Variants in GPR39 observed in about 807,000 individuals in gnomAD.
The protein encoded by GPR39 is zinc sensing receptor.
In GPR39, 23 loss-of-function variants were observed where a neutral mutation model predicts 18.4. The observed-to-expected ratio is 1.25, with a 90% confidence interval of 0.90 to 1.77. GPR39 has a LOEUF of 1.77. Ranked by LOEUF, GPR39 falls within the 40% of genes most tolerant of loss-of-function variation. GPR39 has a pLI of 0.00. For missense variants in GPR39, 647 were observed against 602.4 expected (o/e 1.07, Z -0.78); for synonymous variants, 280 against 257.9 (o/e 1.09, Z -0.82).
rs773525542 is a variant in GPR39, at chr2:132,645,307, T to C, written c.1063T>C (p.Phe355Leu). 4 of 1,614,076 alleles carry C rather than the reference T, an allele frequency of 2.5e-6. No homozygotes were observed. In the African/African-American group the frequency reaches 5.3e-5, roughly 22 times the overall value. ...GTCCTCGCAGCAGTTTCGGCGGGTG[T>C]TCGTGCAGGTGCTGTGCTGCCGCCT... ...TVSSQQFRRV[F>L]VQVLCCRLSL... is the part of the protein sequence containing the mutation. The change falls in exon 2 of 2, where the codon TTC (phenylalanine) becomes CTC (leucine). Residue 355 changes from phenylalanine (F) to leucine (L), a missense_variant. Phe to Leu is a conservative substitution (Grantham distance 22). Coordinates refer to ENST00000329321, the MANE Select transcript of GPR39 (RefSeq NM_001508.3).
intron 1 of GPR39, among the ~76,000 whole-genome samples, chr2:132,616,219 G>T (rs1178196728): frequency 6.6e-6 from 1 of 152,120 alleles, no homozygotes; most frequent in Non-Finnish European, 1.5e-5. Flanking sequence ...GAGGTTGGTT[G>T]GTATCTCAGT....
chr2:132,429,243 A>C (rs1040087324), intron 1 of GPR39, among the ~76,000 whole-genome samples: 12 of 152,218 alleles, frequency 7.9e-5, no homozygotes, highest in African/African-American at 2.9e-4. Flanking sequence ...CGTTCTTTAC[A>C]TGAGCAGAGG....
At position 132,577,126 on chromosome 2, in the gene GPR39, T is replaced by TG. The variant is rs529417425; in HGVS notation, c.857-67969dup. 4.3e-3 allele frequency among the ~76,000 whole-genome samples: 655 copies of TG among 151,644 alleles called. 2 individuals are homozygous for TG. The highest frequency in any genetic ancestry group is 0.015 in the African/African-American group (603 of 41,318). On this transcript the variant is annotated intron_variant, in intron 1 of 1. Coordinates refer to ENST00000329321, the MANE Select transcript of GPR39 (RefSeq NM_001508.3). ...ATCCCAGCACTTTGGGAGGCTGAGGTGGGGGGTATCACTTGAGCTCAGGAG... is the reference window on the plus strand; with the variant it reads ...ATCCCAGCACTTTGGGAGGCTGAGGTGGGGGGGTATCACTTGAGCTCAGGAG...
At chr2:132,636,301 C>T (rs1183114387) in intron 1 of GPR39, among the ~76,000 whole-genome samples, 1 of 152,244 alleles carries the variant, frequency 6.6e-6, no homozygotes, top group Non-Finnish European at 1.5e-5. Flanking sequence ...CCATGCTGGG[C>T]CTCCCCAGGT....
chr2:132,509,327 G>A (rs1187409026), intron 1 of GPR39, among the ~76,000 whole-genome samples: 1 of 152,108 alleles, frequency 6.6e-6, no homozygotes, highest in Non-Finnish European at 1.5e-5. Context: ...CACAGAGCAG[G>A]ACAAAATCTC....
intron 1 of GPR39, among the ~76,000 whole-genome samples, chr2:132,543,624 C>T (rs1045424955): frequency 3.9e-5 from 6 of 152,184 alleles, no homozygotes; most frequent in Non-Finnish European, 5.9e-5. Context: ...TGTTTAAGTG[C>T]GTGTTATCTG....
intron 1 of GPR39, among the ~76,000 whole-genome samples, chr2:132,440,648 C>G (rs185204840): frequency 3.2e-4 from 48 of 152,274 alleles, no homozygotes; most frequent in African/African-American, 1.1e-3. Flanking sequence ...TTAACAACCA[C>G]TGACATCAGG....
intron 1 of GPR39, among the ~76,000 whole-genome samples, chr2:132,618,068 C>T (rs1681368689): frequency 6.6e-6 from 1 of 152,174 alleles, no homozygotes. Flanking sequence ...CCTCCATTTC[C>T]CACTCCAAGA....
At position 132,645,520 on chromosome 2, in the gene GPR39, T is replaced by C. The variant is rs1267801132; in HGVS notation, c.1276T>C (p.Leu426=). 2 of 1,614,178 alleles carry C rather than the reference T, an allele frequency of 1.2e-6. No homozygotes were observed. The highest frequency in any genetic ancestry group is 1.7e-6 in the Non-Finnish European group (2 of 1,180,016). The change falls in exon 2 of 2, where the codon TTG becomes CTG. Residue 426 remains leucine (L), a synonymous_variant. Transcript: ENST00000329321. ...EAEPQSKSQS[L]SLESLEPNSG... is the part of the protein sequence containing the mutation. ...CGAGCCCCAGTCTAAGTCCCAGTCA[T>C]TGAGTCTCGAGTCACTAGAGCCCAA...
intron 1 of GPR39, among the ~76,000 whole-genome samples, chr2:132,625,072 A>T (rs1381605612): frequency 6.4e-5 from 9 of 141,238 alleles, no homozygotes; most frequent in Admixed American, 2.8e-4. Flanking sequence ...AGGTGCTCCA[A>T]TTTTTTTTTT....
chr2:132,635,279 A>AT (rs1233072417), intron 1 of GPR39, among the ~76,000 whole-genome samples: 4 of 152,224 alleles, frequency 2.6e-5, no homozygotes, highest in Non-Finnish European at 5.9e-5. Context: ...CAGCTACTAT[A>AT]TAAACGTTTT....
At chr2:132,447,338 A>G (rs768401804) in intron 1 of GPR39, among the ~76,000 whole-genome samples, 2 of 152,224 alleles carry the variant, frequency 1.3e-5, no homozygotes, top group Non-Finnish European at 2.9e-5. Context: ...TAGAAACCAA[A>G]TCTAAGTGGA....
intron 1 of GPR39, among the ~76,000 whole-genome samples, chr2:132,467,335 CGCTTATAAGTGAG>C (rs1217711862): frequency 6.6e-6 from 1 of 152,048 alleles, no homozygotes; most frequent in Non-Finnish European, 1.5e-5. Flanking sequence ...TGCATGTTCT[CGCTTATAAGTGAG>C]AACTAAACTT....
At chr2:132,486,517 T>C (rs1433055492) in intron 1 of GPR39, among the ~76,000 whole-genome samples, 2 of 152,254 alleles carry the variant, frequency 1.3e-5, no homozygotes, top group African/African-American at 4.8e-5. Flanking sequence ...CTGTCTTAGC[T>C]AGATCTTCTG....
At chr2:132,532,070 T>A (rs1021893747) in intron 1 of GPR39, among the ~76,000 whole-genome samples, 2 of 152,088 alleles carry the variant, frequency 1.3e-5, no homozygotes, top group African/African-American at 4.8e-5. Flanking sequence ...AGCTGGTTTT[T>A]TGAAAGATCA....
chr2:132,575,427 A>G (rs1245982191), intron 1 of GPR39, among the ~76,000 whole-genome samples: 1 of 152,190 alleles, frequency 6.6e-6, no homozygotes, highest in East Asian at 1.9e-4. Context: ...GTCTTGGAAA[A>G]CTATACTAAA....
chr2:132,586,141 TGG>T (rs1291409070), intron 1 of GPR39, among the ~76,000 whole-genome samples: 1 of 151,894 alleles, frequency 6.6e-6, no homozygotes, highest in African/African-American at 2.4e-5. Flanking sequence ...TTGGAGCATT[TGG>T]TGTTCCTCAA....
intron 1 of GPR39, among the ~76,000 whole-genome samples, chr2:132,582,927 T>C (rs1464708927): frequency 6.7e-6 from 1 of 149,146 alleles, no homozygotes; most frequent in Non-Finnish European, 1.5e-5. Flanking sequence ...TTTTTTTTTT[T>C]TTTTTTTTTT....
At chr2:132,458,600 A>G (rs72999291) in intron 1 of GPR39, among the ~76,000 whole-genome samples, 143 of 151,414 alleles carry the variant, frequency 9.4e-4, no homozygotes, top group African/African-American at 2.8e-3. Context: ...TTTGTTTGCC[A>G]TTACTTTTCA....
Sources: gnomAD v4.1 joint callset for allele counts (sites outside exome capture counted in the v4.1 genomes callset) on GRCh38, gnomAD v4.1.1 for gene constraint, MANE v1.5 for transcripts, NCBI Gene and HGNC (gene_info 2026-07-23, HGNC 2026-07-21) for gene names.